RAI1: variants seen among roughly 807,000 people sequenced by gnomAD.
RAI1 encodes the protein retinoic acid induced 1.
RAI1 carries 9 observed loss-of-function variants against 123.8 expected under a neutral mutation model. The ratio of observed to expected loss-of-function variants is 0.07; its 90% CI spans 0.04 to 0.13. RAI1 has a LOEUF of 0.13. RAI1 is among the 10% of genes least tolerant of loss of function. The pLI, the probability that RAI1 is intolerant of heterozygous loss-of-function variation, is 1.00. For synonymous variants in RAI1, 1,231 were observed against 1,127.3 expected (o/e 1.09, Z -1.84); for missense variants, 2,256 against 2,545.8 (o/e 0.89, Z 2.45).
At chr17:17,703,929 A>G (rs1915313074) in intron 1 of RAI1, among the ~76,000 whole-genome samples, 1 of 152,168 alleles carries the variant, frequency 6.6e-6, no homozygotes, top group Admixed American at 6.5e-5. Context: ...GGGGAGCCTT[A>G]GAGCATGGTC....
chr17:17,765,319 G>A lies in RAI1; in HGVS notation c.-16-27614G>A, dbSNP rs59502293. The stretch of plus-strand genomic sequence containing the variant: ...CTCTACTGGACACACAGAAGAGACC[G>A]AGGTACAGTCCAGGCAGGAGGTGGA... On this transcript the variant is annotated intron_variant, in intron 2 of 5. Coordinates refer to ENST00000353383, the MANE Select transcript of RAI1 (RefSeq NM_030665.4). Among the ~76,000 whole-genome samples the A allele has an allele frequency of 4.2e-3, 642 of 152,354 alleles. 6 individuals carry two copies. Among genetic ancestry groups the A allele is most frequent in the African/African-American group, 0.014 (601 of 41,572 alleles).
In RAI1 at chr17:17,797,212, G is replaced by A; in HGVS notation, c.4264G>A (p.Asp1422Asn). ...GAACAGTAAGAAACTGTCTTCTACT[G>A]ACTGTTTCAAAACCGAGGCCTTCAC... The part of the protein sequence containing the change: ...LMNSKKLSST[D>N]CFKTEAFTSP... The change falls in exon 3 of 6, where the codon GAC (aspartate) becomes AAC (asparagine). Residue 1422 changes from aspartate (D) to asparagine (N), a missense_variant. Physicochemically the swap from Asp to Asn is conservative, Grantham distance 23. This residue lies in a region of RAI1 where 410 missense variants were observed against 374.6 expected (regional missense o/e 1.09). Coordinates refer to ENST00000353383, the MANE Select transcript of RAI1 (RefSeq NM_030665.4). The A allele has an allele frequency of 1.2e-6, 2 of 1,613,774 alleles. No individual in the cohort carries two copies. The highest frequency in any genetic ancestry group is 1.7e-6 in the Non-Finnish European group (2 of 1,180,034).
intron 1 of RAI1, among the ~76,000 whole-genome samples, chr17:17,692,431 C>A (rs1322022946): frequency 2.0e-5 from 3 of 152,194 alleles, no homozygotes; most frequent in Non-Finnish European, 4.4e-5. Context: ...GTGGTCCTCG[C>A]TAAGTCTTAT....
intron 2 of RAI1, among the ~76,000 whole-genome samples, chr17:17,767,858 C>T (rs1397091576): frequency 6.6e-6 from 1 of 152,206 alleles, no homozygotes; most frequent in Non-Finnish European, 1.5e-5. Flanking sequence ...GGGCACAGGG[C>T]TGGCACTGCC....
intron 1 of RAI1, among the ~76,000 whole-genome samples, chr17:17,700,653 A>G (rs1915190062): frequency 6.6e-6 from 1 of 151,994 alleles, no homozygotes; most frequent in Non-Finnish European, 1.5e-5. Flanking sequence ...AGAGAAGAGG[A>G]GAGCAGCGGG....
intron 1 of RAI1, among the ~76,000 whole-genome samples, chr17:17,694,569 C>T (rs1474473478): frequency 6.6e-6 from 1 of 152,012 alleles, no homozygotes; most frequent in African/African-American, 2.4e-5. Flanking sequence ...TCCCCGACCT[C>T]GAGAAGGGGC....
intron 1 of RAI1, among the ~76,000 whole-genome samples, chr17:17,708,096 G>A (rs1288988117): frequency 6.6e-6 from 1 of 152,094 alleles, no homozygotes; most frequent in Non-Finnish European, 1.5e-5. Context: ...CAAGGAATGG[G>A]TTAATGGGCA....
chr17:17,752,847 C>G (rs1344434610), intron 2 of RAI1, among the ~76,000 whole-genome samples: 1 of 151,910 alleles, frequency 6.6e-6, no homozygotes, highest in East Asian at 1.9e-4. Context: ...CTCTGCCCAG[C>G]GTTTATATCT....
At chr17:17,723,370 C>A (rs1301262144) in intron 1 of RAI1, among the ~76,000 whole-genome samples, 2 of 145,432 alleles carry the variant, frequency 1.4e-5, no homozygotes, top group African/African-American at 5.0e-5. Flanking sequence ...GACATTCACT[C>A]GTAGGACAGA....
In RAI1 at chr17:17,708,411, T is replaced by TAC. The variant is rs912201848; in HGVS notation, c.-148-15601_-148-15600dup. The stretch of plus-strand genomic sequence containing the variant: ...TGTCCTCTCTTCTCATATATATATA[T>TAC]ACACACACACACACACATATATATA... On this transcript the variant is annotated intron_variant, in intron 1 of 5. Transcript: ENST00000353383. 3.7e-3 allele frequency among the ~76,000 whole-genome samples: 483 copies of TAC among 131,456 alleles called. 2 individuals carry two copies. The highest frequency in any genetic ancestry group is 0.025 in the Middle Eastern group (6 of 236). 86.2% of individuals were successfully genotyped at this position (131,456 alleles called of 152,430 possible).
At chr17:17,755,597 A>G (rs2030407178) in intron 2 of RAI1, among the ~76,000 whole-genome samples, 2 of 152,126 alleles carry the variant, frequency 1.3e-5, no homozygotes, top group African/African-American at 4.8e-5. Flanking sequence ...TAGTCCCTCC[A>G]AGGAGCATGT....
intron 2 of RAI1, among the ~76,000 whole-genome samples, chr17:17,730,602 C>T (rs1256231997): frequency 6.6e-6 from 1 of 152,244 alleles, no homozygotes; most frequent in Non-Finnish European, 1.5e-5. Flanking sequence ...GCCACTAGTG[C>T]AGCCTCCTGG....
intron 3 of RAI1, chr17:17,802,309 G>A (rs974598270): frequency 1.5e-5 from 6 of 398,394 alleles, no homozygotes; most frequent in Admixed American, 1.1e-4. Context: ...CTGGTCCCCT[G>A]GAGGGTGCAG....
At chr17:17,706,022 CAAAAAAAAAAAAAA>C (rs1197967787) in intron 1 of RAI1, among the ~76,000 whole-genome samples, 1 of 37,388 alleles carries the variant, frequency 2.7e-5, no homozygotes, top group African/African-American at 8.8e-5. Flanking sequence ...GACTCTGTCT[CAAAAAAAAAAAAAA>C]AAAAAAAAAA....
intron 4 of RAI1, among the ~76,000 whole-genome samples, chr17:17,808,409 ATTTTATTATTTTATTTTATT>A (rs1284789009): frequency 2.8e-4 from 29 of 102,456 alleles, no homozygotes; most frequent in Middle Eastern, 4.3e-3. Flanking sequence ...ATTTTATTTT[ATTTTATTATTTTATTTTATT>A]TTATTTTATT....
At chr17:17,784,121 G>A (rs571269133) in intron 2 of RAI1, among the ~76,000 whole-genome samples, 86 of 152,264 alleles carry the variant, frequency 5.6e-4, no homozygotes, top group South Asian at 8.3e-4. Flanking sequence ...CTCACAATTA[G>A]GCAGCAAGAG....
chr17:17,727,486 A>G (rs1916134125), intron 2 of RAI1, among the ~76,000 whole-genome samples: 1 of 152,224 alleles, frequency 6.6e-6, no homozygotes, highest in Non-Finnish European at 1.5e-5. Context: ...AGCCCCAGAC[A>G]GGCTTCTCGG....
chr17:17,687,985 G>C (rs1914696262), intron 1 of RAI1, among the ~76,000 whole-genome samples: 1 of 132,162 alleles, frequency 7.6e-6, no homozygotes, highest in Admixed American at 8.5e-5. Context: ...AGCCAAGATA[G>C]CACCACTGCA....
At position 17,797,594 on chromosome 17, in the gene RAI1, C is replaced by T; in HGVS notation, c.4646C>T (p.Thr1549Ile). Residue 1549 changes from threonine to isoleucine, a missense_variant, in exon 3 of 6, where the codon ACC (threonine) becomes ATC (isoleucine). Coordinates refer to ENST00000353383, the MANE Select transcript of RAI1 (RefSeq NM_030665.4). ...ACTCGGGGCCGGGCCAAGAACACCA[C>T]CTCTTCACCCTGTAAGGGGCGTGCC... Reference protein sequence around the residue: ...RLTRGRAKNTTSSPCKGRAKR... With the variant: ...RLTRGRAKNTISSPCKGRAKR... 1 of 1,614,066 alleles carries T rather than the reference C, an allele frequency of 6.2e-7. No homozygotes were observed. The highest frequency in any genetic ancestry group is 8.5e-7 in the Non-Finnish European group (1 of 1,180,040).
Sources: allele counts gnomAD v4.1 joint callset (sites outside exome capture counted in the v4.1 genomes callset), GRCh38; gene constraint gnomAD v4.1.1; regional missense constraint gnomAD v4.1.1; transcripts MANE v1.5; gene names NCBI Gene and HGNC (gene_info 2026-07-23, HGNC 2026-07-21).